The following HOOK3 variants were observed in gnomAD, a reference collection of about 807,000 sequenced individuals.
HOOK3 encodes hook microtubule tethering protein 3.
In HOOK3, 24 loss-of-function variants were observed where a neutral mutation model predicts 116.3. The observed-to-expected ratio is 0.21, with a 90% CI of 0.15 to 0.29. The LOEUF (loss-of-function observed/expected upper bound fraction) is 0.29. HOOK3 is among the 10% of genes least tolerant of loss of function. HOOK3 has a pLI of 1.00. For missense variants in HOOK3, 632 were observed against 830.2 expected (o/e 0.76, Z 2.93); for synonymous variants, 275 against 283.0 (o/e 0.97, Z 0.28).
chr8:42,935,286 A>G lies in HOOK3; in HGVS notation c.267+5114A>G, dbSNP rs551768707. On this transcript the variant is annotated intron_variant, in intron 4 of 21. Transcript: ENST00000307602. ...TTTAAGTTCCTTGTGGATTCTGGAT[A>G]TTAGCCCTTTGTCAGATGGATAGAT... Among the ~76,000 whole-genome samples the G allele has an allele frequency of 4.6e-5, 7 of 152,058 alleles. No homozygotes were observed. In the South Asian group the frequency reaches 1.0e-3, roughly 23 times the overall value.
At chr8:42,902,327 C>T (rs889342729) in intron 1 of HOOK3, among the ~76,000 whole-genome samples, 1 of 150,740 alleles carries the variant, frequency 6.6e-6, no homozygotes, top group African/African-American at 2.4e-5. Context: ...GCTGGAGTGC[C>T]GTGGAGCAGT....
chr8:42,956,179 G>A (rs1164578584), intron 6 of HOOK3, among the ~76,000 whole-genome samples: 4 of 151,226 alleles, frequency 2.6e-5, no homozygotes, highest in Non-Finnish European at 4.4e-5. Context: ...CCAGAGATCC[G>A]GAAGATCTCT....
intron 2 of HOOK3, among the ~76,000 whole-genome samples, chr8:42,915,097 G>T (rs577484691): frequency 1.3e-5 from 2 of 152,288 alleles, no homozygotes; most frequent in Admixed American, 1.3e-4. Flanking sequence ...TTGCCTCCTG[G>T]TGGCCTGTTT....
At position 43,011,247 on chromosome 8, in the gene HOOK3, C is replaced by T. The variant is rs540154836; in HGVS notation, c.1839+842C>T. 9.9e-5 allele frequency among the ~76,000 whole-genome samples: 15 copies of T among 152,206 alleles called. No homozygotes were observed. In the East Asian group the frequency reaches 2.9e-3, roughly 29 times the overall value. ...TGACCTCGTGATCCGCCCGCCTCGGCCTCCCAAAGTGCTGGGATTACAGGT... is the reference window on the plus strand; with the variant it reads ...TGACCTCGTGATCCGCCCGCCTCGGTCTCCCAAAGTGCTGGGATTACAGGT... On this transcript the variant is annotated intron_variant, in intron 19 of 21. Transcript: ENST00000307602.
chr8:42,928,811 G>A (rs1807818981), intron 3 of HOOK3, among the ~76,000 whole-genome samples: 1 of 152,194 alleles, frequency 6.6e-6, no homozygotes, highest in South Asian at 2.1e-4. Flanking sequence ...GGAGGCCAAG[G>A]TGGGCGAATC....
chr8:42,934,288 C>T (rs752754528), intron 4 of HOOK3, among the ~76,000 whole-genome samples: 19 of 152,076 alleles, frequency 1.2e-4, no homozygotes, highest in Middle Eastern at 6.8e-3. Flanking sequence ...TTTGCAAGAG[C>T]GCTTTATGTT....
At chr8:42,934,032 A>C (rs1257562079) in intron 4 of HOOK3, among the ~76,000 whole-genome samples, 1 of 151,680 alleles carries the variant, frequency 6.6e-6, no homozygotes, top group Non-Finnish European at 1.5e-5. Context: ...GTTTTAGGAA[A>C]TTTTCATCTT....
At chr8:42,962,413 T>G (rs1808551020) in intron 8 of HOOK3, among the ~76,000 whole-genome samples, 1 of 149,488 alleles carries the variant, frequency 6.7e-6, no homozygotes, top group South Asian at 2.1e-4. Flanking sequence ...GTGTGTTTTT[T>G]TTTTTTTTTT....
chr8:42,974,078 TA>T, intron 12 of HOOK3, 28 bp from the exon 13 acceptor site: 1 of 1,524,016 alleles, frequency 6.6e-7, no homozygotes, highest in Non-Finnish European at 9.1e-7. Flanking sequence ...AACGTGAAGC[TA>T]ACCCTCCATG....
chr8:42,949,191 G>A (rs1241786479), intron 5 of HOOK3, among the ~76,000 whole-genome samples: 1 of 152,160 alleles, frequency 6.6e-6, no homozygotes, highest in Non-Finnish European at 1.5e-5. Flanking sequence ...GTATGGGGTT[G>A]GAGAGGTAGG....
intron 13 of HOOK3, among the ~76,000 whole-genome samples, chr8:42,976,111 T>C (rs1808823252): frequency 6.6e-6 from 1 of 151,966 alleles, no homozygotes; most frequent in African/African-American, 2.4e-5. Context: ...AAGAGGTGAT[T>C]TAAGTCTAAT....
chr8:42,995,448 A>G (rs1809247006), intron 15 of HOOK3, among the ~76,000 whole-genome samples: 3 of 152,158 alleles, frequency 2.0e-5, no homozygotes, highest in South Asian at 4.1e-4. Context: ...TATTTCAATA[A>G]TACCCATCTC....
At chr8:42,969,705 G>A (rs1452952273) in intron 11 of HOOK3, among the ~76,000 whole-genome samples, 1 of 152,064 alleles carries the variant, frequency 6.6e-6, no homozygotes, top group African/African-American at 2.4e-5. Flanking sequence ...GTATAAAATG[G>A]TGTCTCCTTT....
chr8:42,938,857 C>G (rs1808030921), intron 4 of HOOK3, among the ~76,000 whole-genome samples: 2 of 151,904 alleles, frequency 1.3e-5, no homozygotes, highest in African/African-American at 4.8e-5. Flanking sequence ...GGCAGAGGAC[C>G]CTGCTGCATT....
Position 43,026,307 on chromosome 8 carries a change from C to G in HOOK3, c.*7809C>G, listed in dbSNP as rs1159214888. 5.2e-6 allele frequency: 1 copy of G among 192,256 alleles called. No homozygotes were observed. The highest frequency in any genetic ancestry group is 1.1e-5 in the Non-Finnish European group (1 of 92,080). 11.9% of individuals were successfully genotyped at this position (192,256 alleles called of 1,614,324 possible). On this transcript the variant is annotated 3_prime_UTR_variant, in exon 22 of 22. Transcript: ENST00000307602. ...ATCTTAATATTATTTACTGTTACTT[C>G]TAGTCATTTATGTAGTATATTTTAC...
At chr8:42,937,550 C>T (rs1807996722) in intron 4 of HOOK3, among the ~76,000 whole-genome samples, 1 of 152,104 alleles carries the variant, frequency 6.6e-6, no homozygotes, top group Non-Finnish European at 1.5e-5. Context: ...TCCCTCTAAA[C>T]ACTGCTTTAG....
chr8:42,930,293 T>C (rs1807849144), intron 4 of HOOK3, 121 bp downstream of exon 4: 1 of 868,130 alleles, frequency 1.2e-6, no homozygotes, highest in Admixed American at 4.3e-5. Context: ...GTTCATTTTA[T>C]AGTTTCTATA....
At chr8:42,977,499 A>G (rs1002918874) in intron 13 of HOOK3, among the ~76,000 whole-genome samples, 8 of 146,284 alleles carry the variant, frequency 5.5e-5, no homozygotes, top group African/African-American at 2.0e-4. Context: ...CACTAAGAGG[A>G]AAAAAAAAGA....
In HOOK3 at chr8:43,021,158, G is replaced by A. The variant is rs1010693311; in HGVS notation, c.*2660G>A. 9.0e-5 allele frequency: 14 copies of A among 155,918 alleles called. No individual in the cohort carries two copies. Among genetic ancestry groups the A allele is most frequent in the Middle Eastern group, 2.8e-3 (1 of 360 alleles). The allele number at this position is 155,918 out of a possible 1,614,324, so 9.7% of individuals were successfully genotyped here. A position where few individuals can be genotyped will look rare whatever the true frequency, so the allele number is the denominator to read the frequency against. On this transcript the variant is annotated 3_prime_UTR_variant, in exon 22 of 22. Coordinates refer to ENST00000307602, the MANE Select transcript of HOOK3 (RefSeq NM_032410.4). ...ACAGTCTGTGAACTACTCACTGAAT[G>A]AATTTTGTTCTGTGAGATGAGAGGT...
Sources: allele counts gnomAD v4.1 joint callset (sites outside exome capture counted in the v4.1 genomes callset), GRCh38; gene constraint gnomAD v4.1.1; transcripts MANE v1.5; gene names NCBI Gene and HGNC (gene_info 2026-07-23, HGNC 2026-07-21).